Variants in CRPPA observed in about 807,000 individuals in gnomAD.
CRPPA encodes D-ribitol-5-phosphate cytidylyltransferase.
CRPPA carries 43 observed loss-of-function variants against 52.0 expected under a neutral mutation model. The ratio of observed to expected loss-of-function variants is 0.83; its 90% CI spans 0.65 to 1.07. The LOEUF (loss-of-function observed/expected upper bound fraction) is 1.07. Among genes scored for constraint, CRPPA ranks in the 50% least tolerant of loss-of-function variants. The probability of loss-of-function intolerance (pLI) is 0.00; values close to 1 mark genes in which losing one functional copy is unlikely to be tolerated. For synonymous variants in CRPPA, 250 were observed against 203.5 expected, an observed-to-expected ratio of 1.23 and a Z score of -1.94; for missense variants, 629 against 551.7, an observed-to-expected ratio of 1.14 and a Z score of -1.40.
intron 2 of CRPPA, among the ~76,000 whole-genome samples, chr7:16,380,267 G>A (rs1316749159): frequency 6.6e-6 from 1 of 151,100 alleles, no homozygotes; most frequent in Non-Finnish European, 1.5e-5. Flanking sequence ...TTTGTCTTTG[G>A]CTCTGTTTAT....
intron 9 of CRPPA, among the ~76,000 whole-genome samples, chr7:16,189,344 C>T (rs960932679): frequency 6.6e-6 from 1 of 152,256 alleles, no homozygotes; most frequent in Non-Finnish European, 1.5e-5. Context: ...AACCCAATCT[C>T]ATTTGATATT....
chr7:16,328,907 A>C (rs1280283250), intron 3 of CRPPA, among the ~76,000 whole-genome samples: 6 of 152,174 alleles, frequency 3.9e-5, no homozygotes, highest in African/African-American at 1.4e-4. Flanking sequence ...CCTGCCAACT[A>C]TCAAATAACA....
In CRPPA at chr7:16,186,554, C is replaced by G. The variant is rs1284231050; in HGVS notation, c.1251+29512G>C. ...TTATAGCAACCTAAAATGAGTAAGA[C>G]AGAGGGGGAATAGAATTGAAAGGAA... On this transcript the variant is annotated intron_variant, in intron 9 of 9. Coordinates refer to ENST00000407010, the MANE Select transcript of CRPPA (RefSeq NM_001101426.4). Among the ~76,000 whole-genome samples the G allele has an allele frequency of 3.9e-5, 6 of 152,198 alleles. No individual in the cohort carries two copies. The South Asian group carries it at 6.2e-4, about 16-fold the overall frequency.
chr7:16,347,071 T>C (rs748222930), intron 3 of CRPPA, among the ~76,000 whole-genome samples: 2 of 152,086 alleles, frequency 1.3e-5, no homozygotes, highest in African/African-American at 2.4e-5. Context: ...ATACTTCCAA[T>C]ATCAGGCATA....
intron 9 of CRPPA, among the ~76,000 whole-genome samples, chr7:16,200,334 C>T (rs1212360379): frequency 1.3e-5 from 2 of 152,160 alleles, no homozygotes; most frequent in African/African-American, 2.4e-5. Flanking sequence ...TTCTCTCACA[C>T]CAGAAATTGG....
intron 9 of CRPPA, among the ~76,000 whole-genome samples, chr7:16,209,463 G>A (rs1363396934): frequency 6.6e-6 from 1 of 151,822 alleles, no homozygotes; most frequent in Admixed American, 6.6e-5. Context: ...GTAGAGACGG[G>A]GTTTCACAAT....
intron 9 of CRPPA, among the ~76,000 whole-genome samples, chr7:16,198,596 C>G (rs1245806554): frequency 2.1e-5 from 3 of 143,376 alleles, no homozygotes; most frequent in Non-Finnish European, 4.5e-5. Flanking sequence ...ATTTCTTTCT[C>G]TATACTTTGT....
rs1169091668 is a variant in CRPPA at position 16,376,031 on chromosome 7, G to T, written c.684+61C>A. ...CATCAGTTCTGGAAATTCTCCAAATGTGGAGGTTGTTTGGGGAACCTGACA... is the reference window on the plus strand; with the variant it reads ...CATCAGTTCTGGAAATTCTCCAAATTTGGAGGTTGTTTGGGGAACCTGACA... On this transcript the variant is annotated intron_variant, in intron 3 of 9. Coordinates refer to ENST00000407010, the MANE Select transcript of CRPPA (RefSeq NM_001101426.4). 1.1e-5 allele frequency: 17 copies of T among 1,488,328 alleles called. No homozygotes were observed. In the South Asian group the frequency reaches 2.0e-4, roughly 18 times the overall value. 92.2% of individuals were successfully genotyped at this position (1,488,328 alleles called of 1,614,324 possible). A position where few individuals can be genotyped will look rare whatever the true frequency, so the allele number is the denominator to read the frequency against.
At position 16,090,836 on chromosome 7, in the gene CRPPA, T is replaced by C. The variant is rs189003265; in HGVS notation, c.*859A>G. 1 of 152,302 alleles carries C rather than the reference T, an allele frequency of 6.6e-6. No individual in the cohort carries two copies. Among genetic ancestry groups the C allele is most frequent in the Non-Finnish European group, 1.5e-5 (1 of 68,036 alleles). The allele number at this position is 152,302 out of a possible 1,614,324, so 9.4% of individuals were successfully genotyped here. A position where few individuals can be genotyped will look rare whatever the true frequency, so the allele number is the denominator to read the frequency against. On this transcript the variant is annotated 3_prime_UTR_variant, in exon 10 of 10. Transcript: ENST00000407010. Reference sequence around the variant, plus strand: ...CAAGGGAAAATATTAATATTTCAGATGTATATACCAATGAAAACTGGAAAT... The same window carrying C: ...CAAGGGAAAATATTAATATTTCAGACGTATATACCAATGAAAACTGGAAAT...
At chr7:16,408,129 AT>A (rs1787999477) in intron 1 of CRPPA, among the ~76,000 whole-genome samples, 1 of 151,662 alleles carries the variant, frequency 6.6e-6, no homozygotes, top group African/African-American at 2.4e-5. Context: ...AAATAAAAAA[AT>A]AACTTATCAG....
At chr7:16,125,752 T>C (rs1466106773) in intron 9 of CRPPA, among the ~76,000 whole-genome samples, 1 of 152,128 alleles carries the variant, frequency 6.6e-6, no homozygotes, top group African/African-American at 2.4e-5. Flanking sequence ...TATTTTATTG[T>C]TGTAAGAATT....
intron 9 of CRPPA, among the ~76,000 whole-genome samples, chr7:16,127,439 A>G (rs1290879611): frequency 6.6e-6 from 1 of 152,088 alleles, no homozygotes; most frequent in Non-Finnish European, 1.5e-5. Flanking sequence ...AAGGTATAAA[A>G]TAAGTACTAA....
intron 9 of CRPPA, among the ~76,000 whole-genome samples, chr7:16,131,417 A>G (rs1055549476): frequency 3.3e-5 from 5 of 152,180 alleles, no homozygotes; most frequent in Admixed American, 6.5e-5. Flanking sequence ...GAAACATGTT[A>G]TTGGAAACTG....
At chr7:16,243,628 T>C (rs748907322) in intron 8 of CRPPA, among the ~76,000 whole-genome samples, 1 of 152,174 alleles carries the variant, frequency 6.6e-6, no homozygotes, top group Non-Finnish European at 1.5e-5. Flanking sequence ...TAATAATGAA[T>C]ATTTTTAGAA....
intron 2 of CRPPA, among the ~76,000 whole-genome samples, chr7:16,397,989 TAACC>T (rs1040334549): frequency 1.1e-4 from 17 of 152,342 alleles, no homozygotes; most frequent in South Asian, 2.1e-4. Context: ...CCTTACCACC[TAACC>T]AACATGTGAC....
At chr7:16,165,984 A>G (rs1217387655) in intron 9 of CRPPA, among the ~76,000 whole-genome samples, 1 of 152,196 alleles carries the variant, frequency 6.6e-6, no homozygotes, top group Admixed American at 6.5e-5. Flanking sequence ...AGTTTTCCTT[A>G]TTTGAAAGAA....
At chr7:16,362,150 G>C (rs901816555) in intron 3 of CRPPA, among the ~76,000 whole-genome samples, 1 of 152,160 alleles carries the variant, frequency 6.6e-6, no homozygotes, top group South Asian at 2.1e-4. Flanking sequence ...CACCGCGCTC[G>C]GCCTACAAAA....
intron 6 of CRPPA, among the ~76,000 whole-genome samples, chr7:16,272,298 G>A (rs996051804): frequency 4.6e-5 from 7 of 152,166 alleles, no homozygotes; most frequent in Non-Finnish European, 1.0e-4. Flanking sequence ...CAGGTATTTG[G>A]TGGGTATCAT....
chr7:16,381,925 T>G (rs930302635), intron 2 of CRPPA, among the ~76,000 whole-genome samples: 12 of 152,284 alleles, frequency 7.9e-5, no homozygotes, highest in African/African-American at 2.9e-4. Flanking sequence ...AGTGCACTGA[T>G]GGGTCTTCAC....
Sources: gnomAD v4.1 joint callset for allele counts (sites outside exome capture counted in the v4.1 genomes callset) on GRCh38, gnomAD v4.1.1 for gene constraint, MANE v1.5 for transcripts, NCBI Gene and HGNC (gene_info 2026-07-23, HGNC 2026-07-21) for gene names.